FBXW9: variants seen among roughly 807,000 people sequenced by gnomAD.
FBXW9 encodes the protein F-box/WD repeat-containing protein 9.
A neutral mutation model predicts 55.8 loss-of-function variants in FBXW9; 38 were observed. That is an observed-to-expected ratio of 0.68 (90% CI 0.53 to 0.89). The LOEUF (loss-of-function observed/expected upper bound fraction) is 0.89, where lower values mean the gene tolerates loss of function less well. FBXW9 is among the 40% of genes least tolerant of loss of function. FBXW9 has a pLI of 0.00. For synonymous variants in FBXW9, 289 were observed against 278.2 expected, an observed-to-expected ratio of 1.04 and a Z score of -0.38; for missense variants, 590 against 619.4, an observed-to-expected ratio of 0.95 and a Z score of 0.50.
Position 12,696,160 on chromosome 19 carries a change from C to T in FBXW9, c.409+13G>A. On this transcript the variant is annotated intron_variant, in intron 1 of 9. Transcript: ENST00000393261. ...CCCCCGGCCCCCGGTCCCCGGCCCC[C>T]GGCCCCGCGCACCTTCCACCACTGG... 6.6e-7 allele frequency: 1 copy of T among 1,510,396 alleles called. No individual in the cohort carries two copies. The highest frequency in any genetic ancestry group is 1.4e-5 in the African/African-American group (1 of 70,958). The allele number at this position is 1,510,396 out of a possible 1,614,324, so 93.6% of individuals were successfully genotyped here.
Position 12,688,923 on chromosome 19 carries a change from A to G in FBXW9, c.*293T>C. 1 of 570,662 alleles carries G rather than the reference A, an allele frequency of 1.8e-6. No individual in the cohort carries two copies. The highest frequency in any genetic ancestry group is 3.3e-6 in the Non-Finnish European group (1 of 304,592). The allele number at this position is 570,662 out of a possible 1,614,324, so 35.3% of individuals were successfully genotyped here. The stretch of plus-strand genomic sequence containing the variant: ...CCACACTCACACTCCAGGCCCAAGC[A>G]CCAACATGTCAGGTTTATTTCTCCT... On this transcript the variant is annotated 3_prime_UTR_variant, in exon 10 of 10. Coordinates refer to ENST00000393261, the MANE Select transcript of FBXW9 (RefSeq NM_032301.3).
chr19:12,691,238 AC>A lies in FBXW9; in HGVS notation c.810del (p.Cys271AlafsTer10), dbSNP rs766176530. 1.2e-6 allele frequency: 2 copies of A among 1,614,208 alleles called. No homozygotes were observed. The highest frequency in any genetic ancestry group is 3.3e-5 in the Admixed American group (2 of 60,024). Reference protein sequence around the residue: ...FGEIKASSAVLCLSYLPDILV... With the variant: ...FGEIKASSAVXCLSYLPDILV... Reference sequence around the variant, plus strand: ...AGGATGTCAGGCAGGTAGGAGAGGCACAGCACGGCTGAGCTGGCCCTAGGGA... The same window carrying A: ...AGGATGTCAGGCAGGTAGGAGAGGCAAGCACGGCTGAGCTGGCCCTAGGGA... On this transcript the variant is annotated frameshift_variant, in exon 5 of 10. Transcript: ENST00000393261. LOFTEE classifies it high-confidence loss of function.
Position 12,694,952 on chromosome 19 carries a change from C to A in FBXW9, c.410-14G>T. The A allele has an allele frequency of 1.9e-6, 3 of 1,609,346 alleles. No individual in the cohort carries two copies. Among genetic ancestry groups the A allele is most frequent in the Admixed American group, 1.7e-5 (1 of 59,816 alleles). ...CAAAGTTCTTCTCTGTGGGTTACCA[C>A]GAGTAGGGTGCCCAGTGGGCAGGGA... On this transcript the variant is annotated splice_polypyrimidine_tract_variant and intron_variant, in intron 1 of 9. Transcript: ENST00000393261.
chr19:12,690,793 C>T (rs1177782355), intron 5 of FBXW9, among the ~76,000 whole-genome samples: 4 of 152,032 alleles, frequency 2.6e-5, no homozygotes, highest in Non-Finnish European at 4.4e-5. Flanking sequence ...TACAGGTAGG[C>T]GCCACCACAT....
At position 12,689,310 on chromosome 19, in the gene FBXW9, T is replaced by G. The variant is rs1328549473; in HGVS notation, c.1303-20A>C. 2 of 1,613,958 alleles carry G rather than the reference T, an allele frequency of 1.2e-6. No homozygotes were observed. The highest frequency in any genetic ancestry group is 2.7e-5 in the African/African-American group (2 of 74,910). On this transcript the variant is annotated intron_variant, in intron 9 of 9. Coordinates refer to ENST00000393261, the MANE Select transcript of FBXW9 (RefSeq NM_032301.3). The surrounding 1 kb of genome is among the most constrained non-coding windows in gnomAD (Gnocchi z 5.9). Reference sequence around the variant, plus strand: ...ACAGACCTGGGAAGGGGGAGGAACATGAGGAGTCAGGGACGATGGCGCTCT... The same window carrying G: ...ACAGACCTGGGAAGGGGGAGGAACAGGAGGAGTCAGGGACGATGGCGCTCT...
chr19:12,691,593 C>T (rs968276366), intron 3 of FBXW9, 139 bp from the exon 4 acceptor site: 3 of 676,756 alleles, frequency 4.4e-6, no homozygotes, highest in Admixed American at 2.3e-5. Context: ...CCCCAGTGCC[C>T]ATGGTGATAG....
At position 12,696,610 on chromosome 19, in the gene FBXW9, C is replaced by G. The variant is rs755806971; in HGVS notation, c.-29G>C. The G allele has an allele frequency of 8.1e-6, 13 of 1,599,418 alleles. No homozygotes were observed. Among genetic ancestry groups the G allele is most frequent in the Non-Finnish European group, 1.1e-5 (13 of 1,178,722 alleles). On this transcript the variant is annotated 5_prime_UTR_variant, in exon 1 of 10. Transcript: ENST00000393261. ...GACCGGGTGGGCGCTGCCGGCCTCG[C>G]GTCTTGTCTCCTAGGCAGCACGAGG...
rs2024976668 is a variant in FBXW9 at position 12,689,703 on chromosome 19, C to T, written c.1146+58G>A. The T allele has an allele frequency of 1.9e-6, 3 of 1,604,856 alleles. No homozygotes were observed. Among genetic ancestry groups the T allele is most frequent in the Middle Eastern group, 3.3e-4 (2 of 6,060 alleles). ...CCGCCCTCCCCCACACCACCAGGGG[C>T]TCGGGTAGGAAGGAAGCCCGGGGGG... On this transcript the variant is annotated intron_variant, in intron 7 of 9. Transcript: ENST00000393261. This position sits in a 1 kb window ranked among gnomAD's most constrained non-coding sequence, Gnocchi z 5.9.
At chr19:12,692,698 T>C (rs1159299893) in intron 3 of FBXW9, among the ~76,000 whole-genome samples, 1 of 151,578 alleles carries the variant, frequency 6.6e-6, no homozygotes, top group East Asian at 1.9e-4. Context: ...AATTATTTGG[T>C]ATTTTTTGTA....
intron 1 of FBXW9, among the ~76,000 whole-genome samples, chr19:12,695,758 C>T (rs139918737): frequency 1.3e-3 from 198 of 152,294 alleles, no homozygotes; most frequent in African/African-American, 4.2e-3. Flanking sequence ...GTCTCAGCTT[C>T]TAAGCTGGAC....
rs200106660 is a variant in FBXW9 at position 12,690,067 on chromosome 19, G to A, written c.927C>T (p.Pro309=). Residue 309 remains proline, a synonymous_variant, in exon 6 of 10, where the codon CCC becomes CCT. Coordinates refer to ENST00000393261, the MANE Select transcript of FBXW9 (RefSeq NM_032301.3). ...GGTCATCCGCCAGCAGGGTCAGCAC[G>A]GGTCTGGAGTGTAGTTGCTGGTGCT... The part of the protein sequence containing the change: ...LLKHQQLHSR[P]VLTLLADDRH... The A allele has an allele frequency of 1.9e-5, 30 of 1,614,026 alleles. No homozygotes were observed. In the Admixed American group the frequency reaches 2.3e-4, roughly 13 times the overall value.
chr19:12,693,518 AAAAAAAAAAAAATATATAT>A (rs1568326178), intron 3 of FBXW9, among the ~76,000 whole-genome samples: 6 of 32,474 alleles, frequency 1.8e-4, no homozygotes, highest in South Asian at 1.9e-3. Context: ...AAAAAAAAAA[AAAAAAAAAAAAATATATAT>A]ATATATATAT....
At chr19:12,690,783 T>C (rs942837167) in intron 5 of FBXW9, among the ~76,000 whole-genome samples, 4 of 152,120 alleles carry the variant, frequency 2.6e-5, no homozygotes, top group African/African-American at 7.2e-5. Context: ...TAGCTGGGAC[T>C]ACAGGTAGGC....
intron 3 of FBXW9, among the ~76,000 whole-genome samples, chr19:12,693,559 TATACACACACACACACAC>T (rs1187606598): frequency 9.1e-5 from 1 of 10,988 alleles, no homozygotes; most frequent in Non-Finnish European, 1.6e-4. Flanking sequence ...TATATATATA[TATACACACACACACACAC>T]ACACACACAC....
chr19:12,696,133 CGCCCCCG>C lies in FBXW9; in HGVS notation c.409+33_409+39del, dbSNP rs781202836. On this transcript the variant is annotated intron_variant, in intron 1 of 9. Coordinates refer to ENST00000393261, the MANE Select transcript of FBXW9 (RefSeq NM_032301.3). Reference sequence around the variant, plus strand: ...CCGCCCCAAGCCTGACCTGGGCGGGCGCCCCCGGCCCCCGGTCCCCGGCCCCCGGCCC... The same window carrying C: ...CCGCCCCAAGCCTGACCTGGGCGGGCGCCCCCGGTCCCCGGCCCCCGGCCC... The C allele has an allele frequency of 6.0e-6, 9 of 1,491,210 alleles. No individual in the cohort carries two copies. The East Asian group carries it at 1.0e-4, about 17-fold the overall frequency. 92.4% of individuals were successfully genotyped at this position (1,491,210 alleles called of 1,614,324 possible). A position where few individuals can be genotyped will look rare whatever the true frequency, so the allele number is the denominator to read the frequency against.
At chr19:12,693,109 G>C (rs2025026775) in intron 3 of FBXW9, among the ~76,000 whole-genome samples, 1 of 152,076 alleles carries the variant, frequency 6.6e-6, no homozygotes. Context: ...CAGAGAGGTT[G>C]AGTTTCTCAC....
Position 12,689,921 on chromosome 19 carries a change from G to C in FBXW9, c.1032+41C>G. The C allele has an allele frequency of 2.5e-6, 4 of 1,612,644 alleles. No individual in the cohort carries two copies. Among genetic ancestry groups the C allele is most frequent in the Non-Finnish European group, 3.4e-6 (4 of 1,178,802 alleles). On this transcript the variant is annotated intron_variant, in intron 6 of 9. Coordinates refer to ENST00000393261, the MANE Select transcript of FBXW9 (RefSeq NM_032301.3). The surrounding 1 kb of genome is among the most constrained non-coding windows in gnomAD (Gnocchi z 5.9). ...GGACAGCTCAGGCCGGGCTGGGCCT[G>C]CAACAGTCCCCATCCCTCCAGGCCC...
intron 3 of FBXW9, 64 bp from the exon 4 acceptor site, chr19:12,691,518 T>A: frequency 7.1e-7 from 1 of 1,398,636 alleles, no homozygotes; most frequent in Non-Finnish European, 9.8e-7. Context: ...ACTGGGATCG[T>A]TCTGTTTTTG....
At chr19:12,694,520 G>C (rs1415042264) in intron 3 of FBXW9, 74 bp downstream of exon 3, 1 of 1,531,462 alleles carries the variant, frequency 6.5e-7, no homozygotes, top group Non-Finnish European at 8.9e-7. Flanking sequence ...ATGCGGTCCT[G>C]TACCAAAACC....
Sources: allele counts gnomAD v4.1 joint callset (sites outside exome capture counted in the v4.1 genomes callset), GRCh38; gene constraint gnomAD v4.1.1; non-coding constraint Gnocchi (gnomAD v3.1); transcripts MANE v1.5; gene names NCBI Gene and HGNC (gene_info 2026-07-23, HGNC 2026-07-21).